ROBO1: variants seen among roughly 807,000 people sequenced by gnomAD.
ROBO1 encodes roundabout homolog 1.
A neutral mutation model predicts 195.9 loss-of-function variants in ROBO1; 149 were observed. The observed-to-expected ratio is 0.76, with a 90% CI of 0.67 to 0.87. The LOEUF (loss-of-function observed/expected upper bound fraction) is 0.87, where lower values mean the gene tolerates loss of function less well. Ranked by LOEUF, ROBO1 falls within the 40% of genes least tolerant of loss-of-function variation. The probability of loss-of-function intolerance (pLI) is 0.00; values close to 1 mark genes in which losing one functional copy is unlikely to be tolerated. For synonymous variants in ROBO1, 816 were observed against 733.2 expected, an observed-to-expected ratio of 1.11 and a Z score of -1.82; for missense variants, 1,933 against 2,068.3, an observed-to-expected ratio of 0.93 and a Z score of 1.27.
At chr3:79,557,732 AAAC>A (rs199621422) in intron 2 of ROBO1, among the ~76,000 whole-genome samples, 3,458 of 109,104 alleles carry the variant, frequency 0.032, 305 homozygotes, top group African/African-American at 0.14. Flanking sequence ...GACTGTCTTA[AAAC>A]AAAAAAAAAT....
chr3:78,839,244 A>T (rs1271610284), intron 4 of ROBO1, among the ~76,000 whole-genome samples: 3 of 152,178 alleles, frequency 2.0e-5, no homozygotes, highest in Admixed American at 6.5e-5. Context: ...TTATTTTTTT[A>T]AAAATTATTA....
chr3:79,354,098 A>G (rs2035449621), intron 2 of ROBO1, among the ~76,000 whole-genome samples: 1 of 152,058 alleles, frequency 6.6e-6, no homozygotes, highest in African/African-American at 2.4e-5. Flanking sequence ...AGGGCACTAT[A>G]CTACTGTTGC....
At chr3:78,688,822 T>A in intron 8 of ROBO1, 50 bp from the exon 9 acceptor site, 1 of 1,553,316 alleles carries the variant, frequency 6.4e-7, no homozygotes, top group Non-Finnish European at 8.7e-7. Context: ...GTTGTTATTG[T>A]CCTAATTGAG....
chr3:79,249,836 A>G (rs928979089), intron 2 of ROBO1, among the ~76,000 whole-genome samples: 9 of 152,210 alleles, frequency 5.9e-5, no homozygotes, highest in African/African-American at 2.2e-4. Flanking sequence ...GAACATACAG[A>G]CTTTGGATAG....
At chr3:78,890,248 T>C (rs2036811201) in intron 4 of ROBO1, among the ~76,000 whole-genome samples, 1 of 152,134 alleles carries the variant, frequency 6.6e-6, no homozygotes, top group African/African-American at 2.4e-5. Context: ...ACAGACTGAA[T>C]GTTTGTGTCC....
intron 5 of ROBO1, among the ~76,000 whole-genome samples, chr3:78,738,297 G>A (rs1239344295): frequency 6.6e-6 from 1 of 152,080 alleles, no homozygotes; most frequent in African/African-American, 2.4e-5. Context: ...AGACACACAG[G>A]AAGCAGAAAA....
intron 10 of ROBO1, among the ~76,000 whole-genome samples, chr3:78,678,878 A>G (rs1288542151): frequency 1.3e-5 from 2 of 152,086 alleles, no homozygotes; most frequent in Non-Finnish European, 2.9e-5. Flanking sequence ...ACCAAAAAAG[A>G]GAATTTTAGA....
intron 4 of ROBO1, among the ~76,000 whole-genome samples, chr3:78,925,826 A>G (rs1318077921): frequency 1.3e-5 from 2 of 151,970 alleles, no homozygotes; most frequent in East Asian, 3.9e-4. Context: ...GATAAAGAAA[A>G]AGAGCCCAGG....
At chr3:78,693,815 T>TA (rs1293823843) in intron 8 of ROBO1, among the ~76,000 whole-genome samples, 1 of 152,194 alleles carries the variant, frequency 6.6e-6, no homozygotes, top group Admixed American at 6.5e-5. Flanking sequence ...TTGAAAGGTG[T>TA]ATACTGCCAA....
At chr3:79,442,920 C>A (rs2107137228) in intron 2 of ROBO1, among the ~76,000 whole-genome samples, 1 of 152,194 alleles carries the variant, frequency 6.6e-6, no homozygotes, top group South Asian at 2.1e-4. Context: ...TAAAGAAGGC[C>A]TACTGATACT....
In ROBO1 at chr3:79,767,998, C is replaced by T. The variant is rs1488083088; in HGVS notation, c.-297G>A. Reference sequence around the variant, plus strand: ...CCCGTTATCTGTATTACTATTAATGCGCAGAGCAGAAGGCATTGCATACAA... The same window carrying T: ...CCCGTTATCTGTATTACTATTAATGTGCAGAGCAGAAGGCATTGCATACAA... On this transcript the variant is annotated 5_prime_UTR_variant, in exon 1 of 31. Transcript: ENST00000464233. 1.3e-5 allele frequency among the ~76,000 whole-genome samples: 2 copies of T among 152,232 alleles called. No individual in the cohort carries two copies. Among genetic ancestry groups the T allele is most frequent in the African/African-American group, 2.4e-5 (1 of 41,538 alleles).
intron 2 of ROBO1, among the ~76,000 whole-genome samples, chr3:79,390,966 A>T (rs140663500): frequency 5.9e-5 from 9 of 152,244 alleles, no homozygotes; most frequent in Non-Finnish European, 1.2e-4. Context: ...ACCCCAAAGC[A>T]CTGCTTTAAC....
At chr3:79,048,983 C>T (rs2078646928) in intron 3 of ROBO1, among the ~76,000 whole-genome samples, 1 of 152,086 alleles carries the variant, frequency 6.6e-6, no homozygotes, top group African/African-American at 2.4e-5. Flanking sequence ...ACCAGAGCAC[C>T]TCTTCTCCTC....
At chr3:79,045,890 A>G (rs1038686503) in intron 3 of ROBO1, among the ~76,000 whole-genome samples, 3 of 152,124 alleles carry the variant, frequency 2.0e-5, no homozygotes, top group Admixed American at 6.5e-5. Flanking sequence ...TGATGAGGAA[A>G]AAGTTATTTT....
intron 2 of ROBO1, among the ~76,000 whole-genome samples, chr3:79,419,521 G>T (rs537890857): frequency 2.6e-5 from 4 of 152,078 alleles, no homozygotes; most frequent in Non-Finnish European, 5.9e-5. Context: ...CCACTCTCAG[G>T]ATCGCTCCCC....
At chr3:79,530,771 A>G (rs1941622185) in intron 2 of ROBO1, among the ~76,000 whole-genome samples, 1 of 141,864 alleles carries the variant, frequency 7.0e-6, no homozygotes, top group Admixed American at 7.0e-5. Context: ...ACACACACAC[A>G]CACACACACA....
At chr3:79,514,182 A>G (rs1320729068) in intron 2 of ROBO1, among the ~76,000 whole-genome samples, 1 of 152,188 alleles carries the variant, frequency 6.6e-6, no homozygotes, top group East Asian at 1.9e-4. Flanking sequence ...GAAGCTGAGG[A>G]CCACATTCAC....
chr3:79,577,610 A>T (rs6771509), intron 2 of ROBO1, among the ~76,000 whole-genome samples: 79,858 of 151,714 alleles, frequency 0.53, 21,391 homozygotes, highest in African/African-American at 0.62. Context: ...GCGTGGTGGG[A>T]CATACCTGTA....
chr3:79,255,952 T>C (rs2108924313), intron 2 of ROBO1, among the ~76,000 whole-genome samples: 1 of 152,312 alleles, frequency 6.6e-6, no homozygotes, highest in Middle Eastern at 3.4e-3. Flanking sequence ...CAGTTTAGCC[T>C]GAGGCTCTTT....
Sources: allele counts gnomAD v4.1 joint callset (sites outside exome capture counted in the v4.1 genomes callset), GRCh38; gene constraint gnomAD v4.1.1; transcripts MANE v1.5; gene names NCBI Gene and HGNC (gene_info 2026-07-23, HGNC 2026-07-21).